The following GNAO1 variants were observed in gnomAD, a reference collection of about 807,000 sequenced individuals.
GNAO1 encodes the protein G protein subunit alpha o1.
For synonymous variants in GNAO1, 164 were observed against 180.7 expected, an observed-to-expected ratio of 0.91 and a Z score of 0.74; for missense variants, 166 against 478.7, an observed-to-expected ratio of 0.35 and a Z score of 6.10.
At chr16:56,331,791 C>T (rs192954149) in intron 4 of GNAO1, among the ~76,000 whole-genome samples, 3 of 152,144 alleles carry the variant, frequency 2.0e-5, no homozygotes, top group African/African-American at 4.8e-5. Flanking sequence ...AAATTCATAT[C>T]GCCAGCCCAG....
At chr16:56,295,261 T>C (rs1392102713) in intron 3 of GNAO1, among the ~76,000 whole-genome samples, 1 of 152,184 alleles carries the variant, frequency 6.6e-6, no homozygotes, top group East Asian at 1.9e-4. Flanking sequence ...TTGTGGACTC[T>C]GGGGTCAGAC....
intron 5 of GNAO1, chr16:56,336,356 T>C (rs1016352703): frequency 1.1e-5 from 2 of 181,268 alleles, no homozygotes; most frequent in African/African-American, 4.7e-5. Flanking sequence ...GTTTGGAGTT[T>C]GCCCAGAGCA....
At chr16:56,250,302 A>G (rs1261905154) in intron 2 of GNAO1, among the ~76,000 whole-genome samples, 2 of 152,196 alleles carry the variant, frequency 1.3e-5, no homozygotes, top group Non-Finnish European at 2.9e-5. Flanking sequence ...CCAGTACTTA[A>G]AAACCACAGA....
intron 3 of GNAO1, among the ~76,000 whole-genome samples, chr16:56,323,100 A>T (rs1596864474): frequency 6.6e-6 from 1 of 152,148 alleles, no homozygotes; most frequent in Non-Finnish European, 1.5e-5. Flanking sequence ...GACCAGAGTG[A>T]TCTGGACAGA....
intron 3 of GNAO1, among the ~76,000 whole-genome samples, chr16:56,321,603 G>T (rs1316138838): frequency 4.6e-5 from 7 of 152,198 alleles, no homozygotes; most frequent in African/African-American, 1.7e-4. Flanking sequence ...GGGAGATTTA[G>T]CTCAACGCAG....
intron 2 of GNAO1, among the ~76,000 whole-genome samples, chr16:56,265,706 G>A (rs1334101705): frequency 1.3e-5 from 2 of 152,170 alleles, no homozygotes; most frequent in Non-Finnish European, 2.9e-5. Context: ...AAAGAGGAGG[G>A]AAAGCTGCCA....
chr16:56,313,336 T>C (rs1344436812), intron 3 of GNAO1, among the ~76,000 whole-genome samples: 7 of 152,158 alleles, frequency 4.6e-5, no homozygotes, highest in Non-Finnish European at 1.0e-4. Context: ...ATTTTTATTG[T>C]ATTAGAAATT....
chr16:56,234,602 G>A (rs1424954795), intron 2 of GNAO1, among the ~76,000 whole-genome samples: 1 of 152,202 alleles, frequency 6.6e-6, no homozygotes, highest in East Asian at 1.9e-4. Context: ...CAGCTTCCCA[G>A]TTCTGCAGCT....
intron 2 of GNAO1, among the ~76,000 whole-genome samples, chr16:56,253,299 A>G (rs2036816796): frequency 6.6e-6 from 1 of 152,206 alleles, no homozygotes. Flanking sequence ...TATCACGAAG[A>G]TTAGCAGGGA....
At chr16:56,332,328 C>T (rs2037697350) in intron 4 of GNAO1, among the ~76,000 whole-genome samples, 1 of 152,218 alleles carries the variant, frequency 6.6e-6, no homozygotes. Context: ...ACGTGTGCTT[C>T]CTGCCGCCAT....
chr16:56,356,689 G>A lies in GNAO1; in HGVS notation c.*615G>A, dbSNP rs556546399. 4.6e-5 allele frequency: 7 copies of A among 152,678 alleles called. No homozygotes were observed. Among genetic ancestry groups the A allele is most frequent in the African/African-American group, 1.7e-4 (7 of 41,526 alleles). The allele number at this position is 152,678 out of a possible 1,614,324, so 9.5% of individuals were successfully genotyped here. On this transcript the variant is annotated 3_prime_UTR_variant, in exon 9 of 9. Coordinates refer to ENST00000262493, the MANE Select transcript of GNAO1 (RefSeq NM_020988.3). ...GTAGCTGCCAAAAAGAACACCCATC[G>A]TATAAGGAAATCCAGCCCCATAGAA...
At chr16:56,321,320 G>C (rs546035453) in intron 3 of GNAO1, among the ~76,000 whole-genome samples, 2 of 152,342 alleles carry the variant, frequency 1.3e-5, no homozygotes, top group Non-Finnish European at 2.9e-5. Flanking sequence ...TGTGGCTGCA[G>C]GCGCAGCTGG....
intron 2 of GNAO1, among the ~76,000 whole-genome samples, chr16:56,216,131 A>C (rs1198576892): frequency 3.3e-5 from 5 of 152,224 alleles, no homozygotes; most frequent in Non-Finnish European, 5.9e-5. Context: ...GGAGCAAAAA[A>C]ATCCAAAGGA....
At chr16:56,213,977 C>T (rs375647884) in intron 2 of GNAO1, among the ~76,000 whole-genome samples, 32 of 152,148 alleles carry the variant, frequency 2.1e-4, no homozygotes, top group African/African-American at 5.5e-4. Context: ...TGTGTTATTC[C>T]GCTGCCAGGC....
At chr16:56,223,932 C>T (rs1371716035) in intron 2 of GNAO1, among the ~76,000 whole-genome samples, 1 of 152,154 alleles carries the variant, frequency 6.6e-6, no homozygotes, top group East Asian at 1.9e-4. Context: ...ATGAGGGGAA[C>T]CAGAAAGAGT....
chr16:56,207,853 A>G (rs2036344986), intron 2 of GNAO1, among the ~76,000 whole-genome samples: 1 of 152,200 alleles, frequency 6.6e-6, no homozygotes, highest in Non-Finnish European at 1.5e-5. Context: ...ATGTACATTA[A>G]TCTTATATGT....
At chr16:56,338,330 C>T (rs765817908) in intron 6 of GNAO1, among the ~76,000 whole-genome samples, 6 of 152,192 alleles carry the variant, frequency 3.9e-5, no homozygotes, top group Non-Finnish European at 8.8e-5. Flanking sequence ...ATGTCAGTCA[C>T]CAGCCCAGTC....
At chr16:56,235,626 G>A (rs1279534556) in intron 2 of GNAO1, among the ~76,000 whole-genome samples, 1 of 152,212 alleles carries the variant, frequency 6.6e-6, no homozygotes. Flanking sequence ...GGGTGGAAAT[G>A]CGGAGTGTGT....
chr16:56,346,694 A>G, intron 6 of GNAO1: 1 of 985,560 alleles, frequency 1.0e-6, no homozygotes, highest in Non-Finnish European at 1.2e-6. Context: ...GAACAACACC[A>G]TACCTGCTGC....
Sources: gnomAD v4.1 joint callset for allele counts (sites outside exome capture counted in the v4.1 genomes callset) on GRCh38, gnomAD v4.1.1 for gene constraint, MANE v1.5 for transcripts, NCBI Gene and HGNC (gene_info 2026-07-23, HGNC 2026-07-21) for gene names.